The following STXBP6 variants were observed in gnomAD, a reference collection of about 807,000 sequenced individuals.
STXBP6 encodes syntaxin-binding protein 6.
STXBP6 carries 21 observed loss-of-function variants against 26.9 expected under a neutral mutation model. The observed-to-expected ratio is 0.78, with a 90% CI of 0.55 to 1.12. The LOEUF is 1.12. STXBP6 is among the 50% of genes most tolerant of loss of function. STXBP6 has a pLI of 0.00. For synonymous variants in STXBP6, 97 were observed against 92.6 expected, an observed-to-expected ratio of 1.05 and a Z score of -0.27; for missense variants, 232 against 257.9, an observed-to-expected ratio of 0.90 and a Z score of 0.69.
At chr14:25,033,894 T>A (rs1000868679) in intron 1 of STXBP6, among the ~76,000 whole-genome samples, 4 of 152,194 alleles carry the variant, frequency 2.6e-5, no homozygotes, top group Non-Finnish European at 5.9e-5. Flanking sequence ...GATCTAAGTT[T>A]AACACAAAAC....
intron 4 of STXBP6, among the ~76,000 whole-genome samples, chr14:24,824,622 TTTAAGA>T (rs1460623498): frequency 1.3e-5 from 2 of 152,242 alleles, no homozygotes; most frequent in Non-Finnish European, 2.9e-5. Flanking sequence ...AATATCCTCT[TTTAAGA>T]TGGAGATTCT....
At chr14:24,987,093 T>G (rs186405935) in intron 1 of STXBP6, among the ~76,000 whole-genome samples, 1 of 151,830 alleles carries the variant, frequency 6.6e-6, no homozygotes, top group Admixed American at 6.5e-5. Context: ...ATCAATTGAA[T>G]ACTACCCTAA....
chr14:24,989,773 C>CAA (rs1169851540), intron 1 of STXBP6, among the ~76,000 whole-genome samples: 1 of 152,230 alleles, frequency 6.6e-6, no homozygotes, highest in Non-Finnish European at 1.5e-5. Context: ...TTCTACTAGA[C>CAA]AGAGCATATG....
At position 25,049,496 on chromosome 14, in the gene STXBP6, C is replaced by T. The variant is rs1033578430; in HGVS notation, c.-33+382G>A. 1.0e-6 allele frequency: 1 copy of T among 985,414 alleles called. No individual in the cohort carries two copies. The highest frequency in any genetic ancestry group is 1.1e-4 in the East Asian group (1 of 8,756). The allele number at this position is 985,414 out of a possible 1,614,324, so 61.0% of individuals were successfully genotyped here. A position where few individuals can be genotyped will look rare whatever the true frequency, so the allele number is the denominator to read the frequency against. ...ACCCCGAGCTCCCCCACACTGGGAG[C>T]CTCGGGGCAGCATTCTCGGGGCCCA... On this transcript the variant is annotated intron_variant, in intron 1 of 5. Transcript: ENST00000323944. The surrounding 1 kb of genome is among the most constrained non-coding windows in gnomAD (Gnocchi z 5.6).
chr14:24,875,355 G>C (rs772928115), intron 2 of STXBP6, among the ~76,000 whole-genome samples: 4 of 152,172 alleles, frequency 2.6e-5, no homozygotes, highest in Non-Finnish European at 5.9e-5. Flanking sequence ...CCACTTTATA[G>C]ATAAAAATAG....
intron 4 of STXBP6, among the ~76,000 whole-genome samples, chr14:24,838,761 A>G (rs1281862757): frequency 2.6e-5 from 4 of 152,188 alleles, no homozygotes. Context: ...CTAGAGGCTA[A>G]TAATTCCTTT....
At chr14:24,931,326 G>A (rs1339550726) in intron 2 of STXBP6, among the ~76,000 whole-genome samples, 2 of 151,738 alleles carry the variant, frequency 1.3e-5, no homozygotes, top group East Asian at 1.9e-4. Flanking sequence ...CATGGCACAT[G>A]TATACATATG....
intron 1 of STXBP6, among the ~76,000 whole-genome samples, chr14:24,983,847 A>G (rs1234296953): frequency 6.6e-6 from 1 of 152,230 alleles, no homozygotes; most frequent in East Asian, 1.9e-4. Flanking sequence ...GAAAGCCTCC[A>G]TTTTTTAAGA....
intron 2 of STXBP6, among the ~76,000 whole-genome samples, chr14:24,871,308 T>C (rs972797256): frequency 1.3e-5 from 2 of 152,162 alleles, no homozygotes; most frequent in Admixed American, 6.5e-5. Context: ...TAAACATCAA[T>C]AGAGCATATC....
chr14:24,863,893 T>C (rs989721297), intron 2 of STXBP6, among the ~76,000 whole-genome samples: 3 of 152,188 alleles, frequency 2.0e-5, no homozygotes, highest in African/African-American at 4.8e-5. Flanking sequence ...AATAGTTATA[T>C]TTTATATGGA....
chr14:25,019,989 A>G (rs540841924), intron 1 of STXBP6, among the ~76,000 whole-genome samples: 11 of 151,350 alleles, frequency 7.3e-5, no homozygotes, highest in African/African-American at 2.7e-4. Context: ...AGATTACTGC[A>G]TATAAACTAT....
chr14:24,968,165 T>C (rs1032390380), intron 2 of STXBP6, among the ~76,000 whole-genome samples: 16 of 136,888 alleles, frequency 1.2e-4, no homozygotes, highest in East Asian at 2.2e-4. Context: ...ATTTATATAA[T>C]AAAGAATATA....
At chr14:24,938,926 G>C (rs542291329) in intron 2 of STXBP6, among the ~76,000 whole-genome samples, 2 of 152,212 alleles carry the variant, frequency 1.3e-5, no homozygotes, top group South Asian at 4.2e-4. Flanking sequence ...TGATGTCCAG[G>C]GGGAAGGAAG....
At chr14:24,929,587 T>A (rs2072307078) in intron 2 of STXBP6, among the ~76,000 whole-genome samples, 1 of 152,226 alleles carries the variant, frequency 6.6e-6, no homozygotes, top group Admixed American at 6.5e-5. Context: ...TAATAAACAT[T>A]TGTCTGGTTT....
At chr14:24,864,705 A>C (rs939850591) in intron 2 of STXBP6, among the ~76,000 whole-genome samples, 1 of 152,190 alleles carries the variant, frequency 6.6e-6, no homozygotes, top group African/African-American at 2.4e-5. Flanking sequence ...AACATATATC[A>C]CTAGGTTTTT....
intron 2 of STXBP6, among the ~76,000 whole-genome samples, chr14:24,859,420 C>T (rs897523546): frequency 1.6e-4 from 25 of 152,104 alleles, no homozygotes; most frequent in African/African-American, 5.3e-4. Flanking sequence ...ATTATATACA[C>T]ATCGTATAGA....
chr14:24,946,717 AG>A (rs1264186076), intron 2 of STXBP6, among the ~76,000 whole-genome samples: 2 of 152,194 alleles, frequency 1.3e-5, no homozygotes, highest in African/African-American at 4.8e-5. Context: ...AGAAGAAGAG[AG>A]GTTGGCAGAG....
At position 24,810,628 on chromosome 14, in the gene STXBP6, G is replaced by A. The variant is rs1283676961; in HGVS notation, c.*2081C>T. 6.6e-6 allele frequency: 1 copy of A among 152,174 alleles called. No individual in the cohort carries two copies. The highest frequency in any genetic ancestry group is 1.9e-4 in the East Asian group (1 of 5,196). The allele number at this position is 152,174 out of a possible 1,614,324, so 9.4% of individuals were successfully genotyped here. ...GACATGGAATACTTATATTTATCAA[G>A]AGTAACTATTGTAATTCTACCAGGG... On this transcript the variant is annotated 3_prime_UTR_variant, in exon 6 of 6. Transcript: ENST00000323944.
At chr14:24,904,110 G>A (rs1467307358) in intron 2 of STXBP6, among the ~76,000 whole-genome samples, 1 of 152,142 alleles carries the variant, frequency 6.6e-6, no homozygotes, top group African/African-American at 2.4e-5. Context: ...TTGGCATCAG[G>A]AACATCGCTC....
Sources: gnomAD v4.1 joint callset for allele counts (sites outside exome capture counted in the v4.1 genomes callset) on GRCh38, gnomAD v4.1.1 for gene constraint, Gnocchi (gnomAD v3.1) non-coding constraint, MANE v1.5 for transcripts, NCBI Gene and HGNC (gene_info 2026-07-23, HGNC 2026-07-21) for gene names.